Variants in PRKDC observed in about 807,000 individuals in gnomAD.
PRKDC encodes the protein DNA-dependent protein kinase catalytic subunit.
PRKDC carries 82 observed loss-of-function variants against 486.9 expected under a neutral mutation model. That is an observed-to-expected ratio of 0.17 (90% CI 0.14 to 0.20). The LOEUF is 0.20. Among genes scored for constraint, PRKDC ranks in the 10% least tolerant of loss-of-function variants. PRKDC has a pLI of 1.00. For missense variants in PRKDC, 4,504 were observed against 5,038.2 expected, an observed-to-expected ratio of 0.89 and a Z score of 3.21; for synonymous variants, 1,895 against 1,837.0, an observed-to-expected ratio of 1.03 and a Z score of -0.81.
intron 32 of PRKDC, among the ~76,000 whole-genome samples, 180 bp from the exon 33 acceptor site, chr8:47,889,402 C>T (rs1160112302): frequency 2.0e-5 from 3 of 152,240 alleles, no homozygotes; most frequent in Non-Finnish European, 4.4e-5. Context: ...TCTGCTTCAA[C>T]TCCTTACGCG....
At chr8:47,839,053 C>T in intron 56 of PRKDC, 95 bp downstream of exon 56, 1 of 936,452 alleles carries the variant, frequency 1.1e-6, no homozygotes, top group Non-Finnish European at 1.7e-6. Context: ...GCTAATACTG[C>T]AAATACATTT....
rs553311043 is a variant in PRKDC at position 47,910,875 on chromosome 8, A to G, written c.2934+1535T>C. Among the ~76,000 whole-genome samples, 5 of 152,188 alleles carry G rather than the reference A, an allele frequency of 3.3e-5. No homozygotes were observed. The South Asian group carries it at 8.3e-4, about 25-fold the overall frequency. On this transcript the variant is annotated intron_variant, in intron 25 of 85. Transcript: ENST00000314191. Reference sequence around the variant, plus strand: ...TGTTATGAATAAGATGTTTATAGACATATTTTCCAAGTGGTCAATACTAAT... The same window carrying G: ...TGTTATGAATAAGATGTTTATAGACGTATTTTCCAAGTGGTCAATACTAAT...
rs559652396 is a variant in PRKDC at position 47,934,002 on chromosome 8, T to G, written c.1586A>C (p.Asp529Ala). ...WKVPTYKDYV[D>A]LFRHLLSSDQ... ...AGAGCTCAGGAGATGTCTGAAGAGA[T>G]CCACGTAGTCTTTGTATGTGGGCAC... The change falls in exon 15 of 86, where the codon GAT (aspartate) becomes GCT (alanine). Residue 529 changes from aspartate to alanine, a missense_variant. Physicochemically the swap from Asp to Ala is moderately radical, Grantham distance 126. Around this residue, in one of 6 missense-constraint regions of PRKDC, gnomAD observed 1,969 missense variants for 2,068.9 expected, o/e 0.95. Coordinates refer to ENST00000314191, the MANE Select transcript of PRKDC (RefSeq NM_006904.7). The G allele has an allele frequency of 6.2e-7, 1 of 1,613,406 alleles. No homozygotes were observed. Among genetic ancestry groups the G allele is most frequent in the Admixed American group, 1.7e-5 (1 of 60,020 alleles).
chr8:47,955,219 T>C lies in PRKDC; in HGVS notation c.399+655A>G, dbSNP rs563317838. ...GGCTCACACCTGTAATCCCAGCACT[T>C]TGGGAGGCCGAGGCGGGCGGATCAC... On this transcript the variant is annotated intron_variant, in intron 4 of 85. Transcript: ENST00000314191. Among the ~76,000 whole-genome samples, 231 of 150,994 alleles carry C rather than the reference T, an allele frequency of 1.5e-3. 2 individuals carry two copies. The highest frequency in any genetic ancestry group is 5.4e-3 in the African/African-American group (220 of 41,076).
chr8:47,787,626 C>T (rs2086811998), intron 76 of PRKDC, among the ~76,000 whole-genome samples: 2 of 152,180 alleles, frequency 1.3e-5, no homozygotes. Flanking sequence ...CTTTCTGCAC[C>T]CTGCAGGCTT....
intron 7 of PRKDC, among the ~76,000 whole-genome samples, chr8:47,952,912 G>T (rs1241368369): frequency 2.0e-5 from 3 of 152,196 alleles, no homozygotes; most frequent in Non-Finnish European, 4.4e-5. Flanking sequence ...GGCCAAGGCA[G>T]GCAGATCATT....
chr8:47,792,148 T>A (rs1006791719), intron 74 of PRKDC, among the ~76,000 whole-genome samples: 1 of 151,428 alleles, frequency 6.6e-6, no homozygotes, highest in African/African-American at 2.4e-5. Context: ...ACAACTGAAC[T>A]CGTGGGGAGG....
intron 74 of PRKDC, among the ~76,000 whole-genome samples, chr8:47,790,527 A>G (rs1156540762): frequency 2.6e-5 from 4 of 152,238 alleles, no homozygotes; most frequent in Admixed American, 6.5e-5. Context: ...CAAAATACCA[A>G]TGACATTCTT....
intron 7 of PRKDC, among the ~76,000 whole-genome samples, chr8:47,948,330 G>T (rs1216658670): frequency 2.6e-5 from 4 of 151,420 alleles, no homozygotes; most frequent in Non-Finnish European, 5.9e-5. Context: ...GGATGGTCTC[G>T]ATCTCTTGAC....
At chr8:47,877,255 C>A (rs559975214) in intron 40 of PRKDC, among the ~76,000 whole-genome samples, 2 of 152,198 alleles carry the variant, frequency 1.3e-5, no homozygotes, top group Admixed American at 1.3e-4. Flanking sequence ...CTTGTTTGGA[C>A]CAAATTTCAA....
intron 67 of PRKDC, among the ~76,000 whole-genome samples, chr8:47,818,942 G>A (rs1319159679): frequency 6.6e-6 from 1 of 152,192 alleles, no homozygotes; most frequent in African/African-American, 2.4e-5. Context: ...TTCCTGATGT[G>A]GGCCCTGCTG....
chr8:47,876,981 A>G (rs1015087713), intron 40 of PRKDC, among the ~76,000 whole-genome samples: 1 of 152,268 alleles, frequency 6.6e-6, no homozygotes, highest in Admixed American at 6.5e-5. Context: ...AATGCCGTGA[A>G]TAAGAAGTAT....
At chr8:47,938,070 T>C (rs1349239002) in intron 11 of PRKDC, among the ~76,000 whole-genome samples, 2 of 152,062 alleles carry the variant, frequency 1.3e-5, no homozygotes, top group African/African-American at 2.4e-5. Flanking sequence ...GTTATGATTG[T>C]ACCACTACAC....
Position 47,846,786 on chromosome 8 carries a change from T to A in PRKDC, c.7280+2368A>T, listed in dbSNP as rs143250492. 4.3e-4 allele frequency among the ~76,000 whole-genome samples: 65 copies of A among 151,830 alleles called. No individual in the cohort carries two copies. The East Asian group carries it at 0.012, about 27-fold the overall frequency. Reference sequence around the variant, plus strand: ...GACTCTGACAAAACGTTCCTAGAACTGATAAATGACTTGAGTAAAGTTCTA... The same window carrying A: ...GACTCTGACAAAACGTTCCTAGAACAGATAAATGACTTGAGTAAAGTTCTA... On this transcript the variant is annotated intron_variant, in intron 54 of 85. Coordinates refer to ENST00000314191, the MANE Select transcript of PRKDC (RefSeq NM_006904.7).
At chr8:47,867,908 G>T (rs116758305) in intron 40 of PRKDC, among the ~76,000 whole-genome samples, 130 of 152,286 alleles carry the variant, frequency 8.5e-4, no homozygotes, top group African/African-American at 3.1e-3. Context: ...AATGGATGTT[G>T]TAGTTTGTCA....
chr8:47,893,481 C>A, intron 30 of PRKDC, 94 bp from the exon 31 acceptor site: 1 of 1,287,190 alleles, frequency 7.8e-7, no homozygotes, highest in Non-Finnish European at 1.0e-6. Flanking sequence ...ATGGGACAAT[C>A]TTTTTTCATT....
chr8:47,861,855 A>T (rs2088684627), intron 44 of PRKDC, among the ~76,000 whole-genome samples: 1 of 152,218 alleles, frequency 6.6e-6, no homozygotes, highest in Non-Finnish European at 1.5e-5. Context: ...TACACATGTC[A>T]AGAGATGAAA....
At chr8:47,952,302 C>T (rs575012289) in intron 7 of PRKDC, among the ~76,000 whole-genome samples, 174 of 152,234 alleles carry the variant, frequency 1.1e-3, no homozygotes, top group Admixed American at 2.1e-3. Context: ...AAAGACAATG[C>T]TGACATATCA....
intron 16 of PRKDC, among the ~76,000 whole-genome samples, chr8:47,932,743 A>G (rs2090278407): frequency 6.6e-6 from 1 of 152,162 alleles, no homozygotes. Flanking sequence ...GTCACTCTTT[A>G]CTATTGCTAA....
Sources: allele counts gnomAD v4.1 joint callset (sites outside exome capture counted in the v4.1 genomes callset), GRCh38; gene constraint gnomAD v4.1.1; regional missense constraint gnomAD v4.1.1; transcripts MANE v1.5; gene names NCBI Gene and HGNC (gene_info 2026-07-23, HGNC 2026-07-21).